The following TMEM135 variants were observed in gnomAD, a reference collection of about 807,000 sequenced individuals.
TMEM135 encodes the protein peroxisomal membrane protein 52.
Under a neutral mutation model 60.3 loss-of-function variants are expected in TMEM135, and 30 were observed. The observed-to-expected ratio is 0.50, with a 90% CI of 0.37 to 0.68. The LOEUF is 0.68. TMEM135 is among the 30% of genes least tolerant of loss of function. The probability of loss-of-function intolerance (pLI) is 0.00; values close to 1 mark genes in which losing one functional copy is unlikely to be tolerated. For missense variants in TMEM135, 468 were observed against 548.8 expected (o/e 0.85, Z 1.47); for synonymous variants, 190 against 186.7 (o/e 1.02, Z -0.14).
intron 5 of TMEM135, among the ~76,000 whole-genome samples, chr11:87,178,040 CA>C (rs1939422509): frequency 2.0e-5 from 3 of 152,134 alleles, no homozygotes; most frequent in Admixed American, 6.6e-5. Context: ...TCAGTGTGTC[CA>C]CCAAGCCTCA....
At chr11:87,130,713 G>A (rs1204724114) in intron 4 of TMEM135, among the ~76,000 whole-genome samples, 1 of 151,962 alleles carries the variant, frequency 6.6e-6, no homozygotes, top group Non-Finnish European at 1.5e-5. Flanking sequence ...AGTTGCCCAG[G>A]CTGGTCTTGA....
chr11:87,300,849 T>A (rs1942433973), intron 7 of TMEM135, among the ~76,000 whole-genome samples: 1 of 152,138 alleles, frequency 6.6e-6, no homozygotes, highest in African/African-American at 2.4e-5. Flanking sequence ...AGAAAGATTA[T>A]CCCCTTATTC....
chr11:87,107,136 T>C (rs150111260), intron 4 of TMEM135, among the ~76,000 whole-genome samples: 240 of 152,292 alleles, frequency 1.6e-3, no homozygotes, highest in African/African-American at 5.5e-3. Context: ...TGGGGACAAA[T>C]ATACAGACTA....
intron 8 of TMEM135, among the ~76,000 whole-genome samples, chr11:87,305,721 T>A (rs1434639236): frequency 1.3e-5 from 2 of 151,676 alleles, no homozygotes; most frequent in African/African-American, 4.8e-5. Flanking sequence ...TTGCAGTGAG[T>A]TGAGATCACG....
intron 4 of TMEM135, among the ~76,000 whole-genome samples, chr11:87,115,395 T>G: frequency 6.6e-6 from 1 of 152,148 alleles, no homozygotes; most frequent in East Asian, 1.9e-4. Flanking sequence ...AAGTAGAACA[T>G]TTTAAAAAAG....
intron 4 of TMEM135, among the ~76,000 whole-genome samples, chr11:87,151,333 A>C (rs1938550893): frequency 6.6e-6 from 1 of 152,104 alleles, no homozygotes; most frequent in African/African-American, 2.4e-5. Flanking sequence ...ATAATTTCTT[A>C]GAGTCCTTCA....
intron 6 of TMEM135, among the ~76,000 whole-genome samples, chr11:87,288,890 C>T (rs571403651): frequency 7.4e-4 from 113 of 152,068 alleles, no homozygotes; most frequent in African/African-American, 2.3e-3. Context: ...CTTGGGAGGC[C>T]GAGGTGGGAG....
At chr11:87,089,226 C>G (rs1183627742) in intron 3 of TMEM135, among the ~76,000 whole-genome samples, 2 of 152,198 alleles carry the variant, frequency 1.3e-5, no homozygotes, top group Admixed American at 6.5e-5. Flanking sequence ...TCAGCTTTAG[C>G]TCATTTCACC....
intron 4 of TMEM135, among the ~76,000 whole-genome samples, chr11:87,139,144 T>G (rs1486445518): frequency 6.6e-6 from 1 of 152,178 alleles, no homozygotes; most frequent in Non-Finnish European, 1.5e-5. Context: ...TATGAATTTC[T>G]TTCTAAAGCA....
At chr11:87,047,412 A>G (rs1056907208) in intron 1 of TMEM135, among the ~76,000 whole-genome samples, 9 of 151,408 alleles carry the variant, frequency 5.9e-5, no homozygotes, top group African/African-American at 1.2e-4. Flanking sequence ...TACCGGGTTC[A>G]TCTCACTAGG....
At chr11:87,258,768 A>G (rs984674616) in intron 6 of TMEM135, 9 of 479,444 alleles carry the variant, frequency 1.9e-5, no homozygotes, top group South Asian at 1.4e-4. Context: ...AGTTAAAAAA[A>G]AATCCAAATA....
At chr11:87,301,322 T>C (rs1003483888) in intron 7 of TMEM135, among the ~76,000 whole-genome samples, 4 of 152,076 alleles carry the variant, frequency 2.6e-5, no homozygotes, top group Non-Finnish European at 5.9e-5. Flanking sequence ...GGCATGATCA[T>C]AGCCCACTGT....
At chr11:87,195,633 CT>C (rs1249728099) in intron 5 of TMEM135, among the ~76,000 whole-genome samples, 1 of 152,094 alleles carries the variant, frequency 6.6e-6, no homozygotes, top group Non-Finnish European at 1.5e-5. Flanking sequence ...TGTTCTCGAA[CT>C]CCCAACCTCA....
At chr11:87,190,570 A>G (rs1939776431) in intron 5 of TMEM135, among the ~76,000 whole-genome samples, 1 of 151,544 alleles carries the variant, frequency 6.6e-6, no homozygotes. Flanking sequence ...AGTTGCCTTA[A>G]AAAAAAAACT....
intron 4 of TMEM135, among the ~76,000 whole-genome samples, chr11:87,141,834 A>T (rs531339015): frequency 3.3e-4 from 50 of 152,246 alleles, no homozygotes; most frequent in African/African-American, 1.2e-3. Flanking sequence ...AAATTAAAAA[A>T]ATTTAAAATT....
In TMEM135 at chr11:87,323,069, C is replaced by G. The variant is rs1378114113; in HGVS notation, c.*1736C>G. ...TCCAGAAATTGTGCTTATATATTTT[C>G]CTGTCAGGTTTAAAAAGATGTTTTA... On this transcript the variant is annotated 3_prime_UTR_variant, in exon 15 of 15. Coordinates refer to ENST00000305494, the MANE Select transcript of TMEM135 (RefSeq NM_022918.4). The G allele has an allele frequency of 2.2e-6, 1 of 453,924 alleles. No individual in the cohort carries two copies. Among genetic ancestry groups the G allele is most frequent in the East Asian group, 6.9e-5 (1 of 14,408 alleles). 28.1% of individuals were successfully genotyped at this position (453,924 alleles called of 1,614,324 possible). A position where few individuals can be genotyped will look rare whatever the true frequency, so the allele number is the denominator to read the frequency against.
rs189594000 is a variant in TMEM135 at position 87,095,491 on chromosome 11, T to C, written c.396+4096T>C. The C allele has an allele frequency of 3.8e-4, 74 of 196,978 alleles. 1 individual carries two copies. The highest frequency in any genetic ancestry group is 1.6e-3 in the African/African-American group (67 of 42,764). The allele number at this position is 196,978 out of a possible 1,614,324, so 12.2% of individuals were successfully genotyped here. ...AATGACTATAGTTGAGCTTCCTCAC[T>C]ATACATGATGGGTTTCTGGGTTTCT... On this transcript the variant is annotated intron_variant, in intron 4 of 14. Coordinates refer to ENST00000305494, the MANE Select transcript of TMEM135 (RefSeq NM_022918.4).
intron 5 of TMEM135, among the ~76,000 whole-genome samples, chr11:87,161,520 C>A (rs985700003): frequency 6.6e-6 from 1 of 152,048 alleles, no homozygotes; most frequent in South Asian, 2.1e-4. Flanking sequence ...TTCTTAATCT[C>A]AATTTTTGAA....
intron 4 of TMEM135, among the ~76,000 whole-genome samples, chr11:87,123,394 C>G (rs779200760): frequency 6.6e-6 from 1 of 152,136 alleles, no homozygotes; most frequent in Non-Finnish European, 1.5e-5. Flanking sequence ...CATCACATGG[C>G]CTTCTTCTCT....
Sources: gnomAD v4.1 joint callset for allele counts (sites outside exome capture counted in the v4.1 genomes callset) on GRCh38, gnomAD v4.1.1 for gene constraint, MANE v1.5 for transcripts, NCBI Gene and HGNC (gene_info 2026-07-23, HGNC 2026-07-21) for gene names.